SPECC1: variants seen among roughly 807,000 people sequenced by gnomAD.
The protein encoded by SPECC1 is cytospin-B.
In SPECC1, 62 loss-of-function variants were observed where a neutral mutation model predicts 104.1. The observed-to-expected ratio is 0.60, with a 90% CI of 0.49 to 0.74. The LOEUF (loss-of-function observed/expected upper bound fraction) is 0.74. Among genes scored for constraint, SPECC1 ranks in the 30% least tolerant of loss-of-function variants. SPECC1 has a pLI of 0.00. For synonymous variants in SPECC1, 513 were observed against 501.6 expected, an observed-to-expected ratio of 1.02 and a Z score of -0.30; for missense variants, 1,306 against 1,310.5, an observed-to-expected ratio of 1.00 and a Z score of 0.05.
In SPECC1 at chr17:20,204,902, T is replaced by C; in HGVS notation, c.853T>C (p.Phe285Leu). 6.2e-7 allele frequency: 1 copy of C among 1,614,012 alleles called. No individual in the cohort carries two copies. Among genetic ancestry groups the C allele is most frequent in the East Asian group, 2.2e-5 (1 of 44,882 alleles). Residue 285 changes from phenylalanine (F) to leucine (L), a missense_variant, in exon 4 of 15, where the codon TTC (phenylalanine) becomes CTC (leucine). Coordinates refer to ENST00000395527, the MANE Select transcript of SPECC1 (RefSeq NM_001243439.2). ...AACATCCATAACTCAAGAGTCAAGCTTCGGAAGCCCAACTGGAAATCAGAT... is the reference window on the plus strand; with the variant it reads ...AACATCCATAACTCAAGAGTCAAGCCTCGGAAGCCCAACTGGAAATCAGAT... ...CPTSITQESS[F>L]GSPTGNQMSS...
intron 3 of SPECC1, among the ~76,000 whole-genome samples, chr17:20,114,607 C>T (rs760084593): frequency 4.2e-4 from 64 of 151,572 alleles, no homozygotes; most frequent in African/African-American, 1.5e-3. Context: ...GGTGTCCTTA[C>T]ATCTACCCCA....
intron 3 of SPECC1, among the ~76,000 whole-genome samples, chr17:20,192,993 T>C (rs1165980125): frequency 6.6e-6 from 1 of 152,164 alleles, no homozygotes; most frequent in African/African-American, 2.4e-5. Flanking sequence ...AGTAAAGGAA[T>C]AAAAGAATGG....
At position 20,258,073 on chromosome 17, in the gene SPECC1, G is replaced by A. The variant is rs147214867; in HGVS notation, c.2837+466G>A. Reference sequence around the variant, plus strand: ...ATAAGTGACTAGGACATTCCATCTGGAGGGCATATTGTAAGTAGTCTTCAT... The same window carrying A: ...ATAAGTGACTAGGACATTCCATCTGAAGGGCATATTGTAAGTAGTCTTCAT... On this transcript the variant is annotated intron_variant, in intron 11 of 14. Coordinates refer to ENST00000395527, the MANE Select transcript of SPECC1 (RefSeq NM_001243439.2). Among the ~76,000 whole-genome samples, 1,417 of 152,302 alleles carry A rather than the reference G, an allele frequency of 9.3e-3. 9 individuals are homozygous for A. The highest frequency in any genetic ancestry group is 0.015 in the Non-Finnish European group (1,000 of 68,026).
chr17:20,199,096 T>C (rs1453545333), intron 3 of SPECC1, among the ~76,000 whole-genome samples: 3 of 146,532 alleles, frequency 2.0e-5, no homozygotes, highest in Non-Finnish European at 4.5e-5. Flanking sequence ...TTTTTTTTTT[T>C]TTTTTTTTGA....
intron 2 of SPECC1, among the ~76,000 whole-genome samples, chr17:20,097,621 G>A (rs747731860): frequency 2.4e-4 from 37 of 152,206 alleles, no homozygotes; most frequent in Admixed American, 1.5e-3. Context: ...TGAAATAGCA[G>A]ACACTCTTGG....
At chr17:20,246,138 T>C (rs2039412823) in intron 8 of SPECC1, 67 bp downstream of exon 8, 5 of 1,565,266 alleles carry the variant, frequency 3.2e-6, no homozygotes, top group Non-Finnish European at 3.5e-6. Context: ...TTGATATGTC[T>C]ACTATCTCTA....
At chr17:20,308,586 A>G (rs1183626302) in intron 14 of SPECC1, among the ~76,000 whole-genome samples, 2 of 152,290 alleles carry the variant, frequency 1.3e-5, no homozygotes, top group Middle Eastern at 3.4e-3. Flanking sequence ...AAATATTCCT[A>G]TGAAACTTAA....
At chr17:20,231,900 C>G in intron 6 of SPECC1, 69 bp downstream of exon 6, 2 of 1,471,332 alleles carry the variant, frequency 1.4e-6, no homozygotes, top group East Asian at 2.3e-5. Context: ...GTGGATCACT[C>G]TCTCTATCCT....
chr17:20,275,808 C>T (rs1176763923), intron 12 of SPECC1, among the ~76,000 whole-genome samples: 1 of 152,118 alleles, frequency 6.6e-6, no homozygotes, highest in Non-Finnish European at 1.5e-5. Context: ...TCAAGTGTCC[C>T]CTGTCCCCAT....
Position 20,314,316 on chromosome 17 carries a change from G to T in SPECC1, c.*251G>T. 2.0e-6 allele frequency: 1 copy of T among 501,850 alleles called. No individual in the cohort carries two copies. Among genetic ancestry groups the T allele is most frequent in the South Asian group, 2.7e-5 (1 of 36,780 alleles). 31.1% of individuals were successfully genotyped at this position (501,850 alleles called of 1,614,324 possible). A position where few individuals can be genotyped will look rare whatever the true frequency, so the allele number is the denominator to read the frequency against. ...CTCTTGTGGGATGCTTCTAAAGAGG[G>T]CAGCCTCCCTCCTTCCAGACCAAGA... On this transcript the variant is annotated 3_prime_UTR_variant, in exon 15 of 15. Transcript: ENST00000395527.
Position 20,246,012 on chromosome 17 carries a change from C to T in SPECC1, c.2438C>T (p.Pro813Leu). 25 of 1,614,046 alleles carry T rather than the reference C, an allele frequency of 1.5e-5. No individual in the cohort carries two copies. Among genetic ancestry groups the T allele is most frequent in the Non-Finnish European group, 2.0e-5 (24 of 1,180,006 alleles). Residue 813 changes from proline (P) to leucine (L), a missense_variant, in exon 8 of 15, where the codon CCC (proline) becomes CTC (leucine). Transcript: ENST00000395527. ...GVCVSRTSPTPPESATTVKSL... is the reference protein window; with the variant it reads ...GVCVSRTSPTLPESATTVKSL... ...TGTGTTAGCAGAACATCTCCAACACCCCCAGAGTCGGCAACCACCGTTAAG... is the reference window on the plus strand; with the variant it reads ...TGTGTTAGCAGAACATCTCCAACACTCCCAGAGTCGGCAACCACCGTTAAG...
chr17:20,041,330 C>T (rs554327464), intron 1 of SPECC1, among the ~76,000 whole-genome samples: 1 of 152,098 alleles, frequency 6.6e-6, no homozygotes, highest in African/African-American at 2.4e-5. Context: ...GCAACCTCCA[C>T]CTCCTGAGTT....
At position 20,047,872 on chromosome 17, in the gene SPECC1, CT is replaced by C. The variant is rs1330196052; in HGVS notation, c.-22+38452del. Among the ~76,000 whole-genome samples, 6 of 152,148 alleles carry C rather than the reference CT, an allele frequency of 3.9e-5. No individual in the cohort carries two copies. In the East Asian group the frequency reaches 1.2e-3, roughly 29 times the overall value. ...TCAGCCTCTAACATCTTTTTAATCA[CT>C]TTTATGGATTTCCTATATTCCATTT... On this transcript the variant is annotated intron_variant, in intron 1 of 14. Coordinates refer to ENST00000395527, the MANE Select transcript of SPECC1 (RefSeq NM_001243439.2).
chr17:20,071,128 C>T (rs1055280782), intron 1 of SPECC1, among the ~76,000 whole-genome samples: 1 of 152,108 alleles, frequency 6.6e-6, no homozygotes, highest in Non-Finnish European at 1.5e-5. Context: ...ATCTCCCGGG[C>T]TCAAGCAATC....
At chr17:20,239,135 TC>T in intron 7 of SPECC1, 1 of 652,170 alleles carries the variant, frequency 1.5e-6, no homozygotes, top group Non-Finnish European at 1.8e-6. Context: ...TTTTTAAAAC[TC>T]TAGGGTCTCA....
Position 20,110,364 on chromosome 17 carries a change from T to C in SPECC1, c.148-63T>C. 5 of 1,537,758 alleles carry C rather than the reference T, an allele frequency of 3.3e-6. No homozygotes were observed. The Middle Eastern group carries it at 7.0e-4, about 216-fold the overall frequency. On this transcript the variant is annotated intron_variant, in intron 2 of 14. Coordinates refer to ENST00000395527, the MANE Select transcript of SPECC1 (RefSeq NM_001243439.2). ...TAGCCCAGCTCCCATGCTCTGCTTG[T>C]TTATAGCGCTCCTTCCTGAAAACCA...
chr17:20,169,852 G>C (rs2033950969), intron 3 of SPECC1, among the ~76,000 whole-genome samples: 1 of 152,134 alleles, frequency 6.6e-6, no homozygotes, highest in East Asian at 1.9e-4. Flanking sequence ...TTTACCTCTT[G>C]AATGTGTTGC....
chr17:20,254,241 A>G (rs1454847494), intron 10 of SPECC1, among the ~76,000 whole-genome samples: 3 of 151,262 alleles, frequency 2.0e-5, no homozygotes, highest in African/African-American at 4.9e-5. Flanking sequence ...CAGTCCCAGC[A>G]GTCCCCATCC....
chr17:20,255,255 G>C (rs1472486866), intron 10 of SPECC1, among the ~76,000 whole-genome samples: 3 of 152,150 alleles, frequency 2.0e-5, no homozygotes, highest in Non-Finnish European at 2.9e-5. Context: ...GTAGAGAAAT[G>C]AGAGAGTACG....
Sources: gnomAD v4.1 joint callset for allele counts (sites outside exome capture counted in the v4.1 genomes callset) on GRCh38, gnomAD v4.1.1 for gene constraint, MANE v1.5 for transcripts, NCBI Gene and HGNC (gene_info 2026-07-23, HGNC 2026-07-21) for gene names.